Variants in NDUFAF6 observed in about 807,000 individuals in gnomAD.
NDUFAF6 encodes NADH:ubiquinone oxidoreductase complex assembly factor 6.
In NDUFAF6, 45 loss-of-function variants were observed where a neutral mutation model predicts 40.8. The observed-to-expected ratio is 1.10, with a 90% CI of 0.87 to 1.42. NDUFAF6 has a LOEUF of 1.42. NDUFAF6 is among the 40% of genes most tolerant of loss of function. The pLI is 0.00. For synonymous variants in NDUFAF6, 185 were observed against 155.9 expected, an observed-to-expected ratio of 1.19 and a Z score of -1.39; for missense variants, 435 against 418.5, an observed-to-expected ratio of 1.04 and a Z score of -0.34.
At chr8:95,085,012 G>A (rs991661684) in intron 2 of NDUFAF6, among the ~76,000 whole-genome samples, 1 of 152,162 alleles carries the variant, frequency 6.6e-6, no homozygotes, top group African/African-American at 2.4e-5. Context: ...AGAGGCATAA[G>A]GCATTATAAT....
intron 2 of NDUFAF6, among the ~76,000 whole-genome samples, chr8:94,984,582 G>A (rs186799600): frequency 4.3e-4 from 65 of 152,296 alleles, no homozygotes; most frequent in African/African-American, 1.5e-3. Context: ...CCAAACTTGT[G>A]GAGTCCACAG....
chr8:95,061,125 T>C (rs1158254199), downstream of NDUFAF6, among the ~76,000 whole-genome samples: 5 of 152,258 alleles, frequency 3.3e-5, no homozygotes, highest in South Asian at 1.0e-3. Context: ...GAATGGATGG[T>C]CTATGTCAAG....
At chr8:94,971,522 C>T (rs1046392805) in intron 1 of NDUFAF6, among the ~76,000 whole-genome samples, 1 of 152,172 alleles carries the variant, frequency 6.6e-6, no homozygotes, top group African/African-American at 2.4e-5. Flanking sequence ...CTTGGAGGCT[C>T]CTGCTGCAGT....
intron 1 of NDUFAF6, among the ~76,000 whole-genome samples, chr8:94,909,380 A>AAAAC (rs1818606096): frequency 5.2e-5 from 3 of 57,726 alleles, no homozygotes; most frequent in African/African-American, 1.7e-4. Flanking sequence ...AAAAAAAAAA[A>AAAAC]AACACTTCGG....
At chr8:94,976,369 T>C (rs1824934734) in intron 1 of NDUFAF6, among the ~76,000 whole-genome samples, 1 of 150,050 alleles carries the variant, frequency 6.7e-6, no homozygotes, top group Non-Finnish European at 1.5e-5. Flanking sequence ...CTGGGTGTGG[T>C]GGCGCATCCC....
intron 1 of NDUFAF6, among the ~76,000 whole-genome samples, chr8:94,972,831 C>T (rs953388367): frequency 6.6e-6 from 1 of 151,858 alleles, no homozygotes; most frequent in Admixed American, 6.6e-5. Context: ...GCCCAGCAGT[C>T]GAGGCTGCAG....
At chr8:95,115,726 C>T (rs1810118141) in exon 5 of NDUFAF6, 1 of 152,200 alleles carries the variant, frequency 6.6e-6, no homozygotes, top group African/African-American at 2.4e-5. Context: ...AGGGTCTTTA[C>T]GCAGCTTCAA....
intron 2 of NDUFAF6, among the ~76,000 whole-genome samples, chr8:94,946,993 T>TA (rs1255372022): frequency 5.3e-5 from 8 of 152,154 alleles, no homozygotes; most frequent in Middle Eastern, 3.2e-3. Flanking sequence ...ACTTAATAAT[T>TA]AGAGCTACAA....
At chr8:95,067,959 G>A (rs1488321385) in intron 9 of NDUFAF6, 3 of 151,972 alleles carry the variant, frequency 2.0e-5, no homozygotes, top group Non-Finnish European at 4.4e-5. Flanking sequence ...ACACCCTTGG[G>A]TGGTGTGGGT....
At chr8:95,064,038 A>ATTTTTTTTTTTTTTTTTTTTTT (rs1160777112) in intron 9 of NDUFAF6, among the ~76,000 whole-genome samples, 1 of 104,808 alleles carries the variant, frequency 9.5e-6, no homozygotes, top group Non-Finnish European at 2.0e-5. Flanking sequence ...CGCCTGGCTA[A>ATTTTTTTTTTTTTTTTTTTTTT]TTTTTTTTTT....
intron 2 of NDUFAF6, among the ~76,000 whole-genome samples, chr8:95,002,350 CAA>C (rs1826774965): frequency 1.3e-5 from 2 of 152,320 alleles, no homozygotes; most frequent in East Asian, 3.9e-4. Context: ...TGTGAGCCCT[CAA>C]GAGCAGAAAT....
chr8:95,102,654 A>G (rs1345783144), intron 2 of NDUFAF6, among the ~76,000 whole-genome samples: 2 of 152,152 alleles, frequency 1.3e-5, no homozygotes, highest in African/African-American at 4.8e-5. Context: ...TCCCATGGGT[A>G]CCTGAGGGAG....
chr8:94,951,195 A>G (rs1437629645), intron 2 of NDUFAF6: 1 of 152,258 alleles, frequency 6.6e-6, no homozygotes, highest in African/African-American at 2.4e-5. Context: ...GGGAGAGGCT[A>G]TGTGAAAAGA....
chr8:94,937,260 G>A (rs1330811755), intron 1 of NDUFAF6, among the ~76,000 whole-genome samples: 1 of 152,106 alleles, frequency 6.6e-6, no homozygotes, highest in African/African-American at 2.4e-5. Flanking sequence ...GGCAAATATG[G>A]TGAAACCCCC....
chr8:95,046,032 A>ATTTATTTTATTTTTT (rs1554676268), intron 5 of NDUFAF6, among the ~76,000 whole-genome samples: 37 of 147,710 alleles, frequency 2.5e-4, no homozygotes, highest in African/African-American at 9.3e-4. Context: ...AGTAAAACAC[A>ATTTATTTTATTTTTT]TTTATTTTAT....
chr8:95,056,231 TG>T (rs1404592288), intron 8 of NDUFAF6, among the ~76,000 whole-genome samples: 51 of 151,654 alleles, frequency 3.4e-4, no homozygotes, highest in Admixed American at 5.9e-4. Flanking sequence ...ATTTCTGGAT[TG>T]TTTTTTTTTT....
At chr8:94,957,103 CG>C (rs757989276), upstream of NDUFAF6, among the ~76,000 whole-genome samples, 5 of 151,998 alleles carry the variant, frequency 3.3e-5, no homozygotes, top group Non-Finnish European at 7.4e-5. Context: ...ACCTGGGAGG[CG>C]GGGGTTGCAG....
At chr8:94,938,915 A>T in intron 1 of NDUFAF6, among the ~76,000 whole-genome samples, 1 of 152,208 alleles carries the variant, frequency 6.6e-6, no homozygotes, top group East Asian at 1.9e-4. Context: ...TTGGCATCAG[A>T]AATGGGAGGC....
intron 2 of NDUFAF6, among the ~76,000 whole-genome samples, chr8:95,014,451 ATGT>A (rs1489372480): frequency 2.6e-5 from 4 of 152,194 alleles, no homozygotes; most frequent in African/African-American, 9.7e-5. Context: ...AGGCTAGACC[ATGT>A]TGTGACCTGT....
Sources: allele counts gnomAD v4.1 joint callset (sites outside exome capture counted in the v4.1 genomes callset), GRCh38; gene constraint gnomAD v4.1.1; transcripts MANE v1.5; gene names NCBI Gene and HGNC (gene_info 2026-07-23, HGNC 2026-07-21).